The following SEM1 variants were observed in gnomAD, a reference collection of about 807,000 sequenced individuals.
SEM1 encodes 26S proteasome complex subunit SEM1.
Under a neutral mutation model 12.7 loss-of-function variants are expected in SEM1, and 3 were observed. The observed-to-expected ratio is 0.24, with a 90% CI of 0.11 to 0.61. The LOEUF (loss-of-function observed/expected upper bound fraction) is 0.61, where lower values mean the gene tolerates loss of function less well. Ranked by LOEUF, SEM1 falls within the 20% of genes least tolerant of loss-of-function variation. The pLI, the probability that SEM1 is intolerant of heterozygous loss-of-function variation, is 0.88. For missense variants in SEM1, 59 were observed against 81.3 expected, an observed-to-expected ratio of 0.73 and a Z score of 1.06; for synonymous variants, 30 against 27.8, an observed-to-expected ratio of 1.08 and a Z score of -0.25.
At chr7:96,539,900 A>G (rs967377186) in intron 2 of SEM1, among the ~76,000 whole-genome samples, 6 of 151,454 alleles carry the variant, frequency 4.0e-5, no homozygotes, top group African/African-American at 1.2e-4. Flanking sequence ...CTGGTGCAAA[A>G]GTATTTATGG....
intron 2 of SEM1, among the ~76,000 whole-genome samples, chr7:96,614,641 A>C (rs1807647650): frequency 6.6e-6 from 1 of 152,200 alleles, no homozygotes; most frequent in African/African-American, 2.4e-5. Context: ...TCCTGGTGTA[A>C]CATAATGAGT....
intron 2 of SEM1, among the ~76,000 whole-genome samples, chr7:96,680,339 G>C (rs906295619): frequency 2.6e-5 from 4 of 152,122 alleles, no homozygotes; most frequent in Admixed American, 6.6e-5. Context: ...AAGACAAGGG[G>C]ATATAAACAT....
chr7:96,484,440 A>G (rs1310127913), intron 3 of SEM1, among the ~76,000 whole-genome samples: 1 of 152,200 alleles, frequency 6.6e-6, no homozygotes, highest in Non-Finnish European at 1.5e-5. Flanking sequence ...CAGAGAAGAG[A>G]GCCAGAAACC....
chr7:96,503,926 A>G (rs111637494), intron 3 of SEM1, among the ~76,000 whole-genome samples: 5,072 of 152,198 alleles, frequency 0.033, 282 homozygotes, highest in African/African-American at 0.12. Flanking sequence ...TCCAGTTCAC[A>G]GAGATCCTGC....
At chr7:96,624,034 A>G (rs1466029630) in intron 2 of SEM1, among the ~76,000 whole-genome samples, 1 of 152,152 alleles carries the variant, frequency 6.6e-6, no homozygotes, top group East Asian at 1.9e-4. Flanking sequence ...CTCCTCATCT[A>G]AAGATTCTTA....
At chr7:96,625,999 T>G (rs970333051) in intron 2 of SEM1, among the ~76,000 whole-genome samples, 3 of 152,224 alleles carry the variant, frequency 2.0e-5, no homozygotes, top group Non-Finnish European at 4.4e-5. Context: ...CTCAAGCATT[T>G]ATCCTTTGTG....
chr7:96,691,536 C>T (rs764509318), intron 2 of SEM1, among the ~76,000 whole-genome samples: 5 of 152,182 alleles, frequency 3.3e-5, no homozygotes, highest in South Asian at 2.1e-4. Context: ...AGATGCCTCT[C>T]CACTGTTAAA....
intron 2 of SEM1, among the ~76,000 whole-genome samples, chr7:96,485,111 C>A (rs1802700156): frequency 6.6e-6 from 1 of 152,136 alleles, no homozygotes; most frequent in Non-Finnish European, 1.5e-5. Context: ...AAATGTTTTG[C>A]CAGTTTTGAA....
At chr7:96,563,970 A>G (rs1805768889) in intron 2 of SEM1, among the ~76,000 whole-genome samples, 2 of 152,074 alleles carry the variant, frequency 1.3e-5, no homozygotes, top group African/African-American at 2.4e-5. Context: ...AAGTTCTGGC[A>G]TACAGGTTTT....
upstream of SEM1, among the ~76,000 whole-genome samples, chr7:96,499,005 C>A (rs1223923649): frequency 6.6e-6 from 1 of 151,812 alleles, no homozygotes; most frequent in Non-Finnish European, 1.5e-5. Flanking sequence ...AGACACTATC[C>A]AACTGATAAA....
intron 2 of SEM1, among the ~76,000 whole-genome samples, chr7:96,545,271 A>G (rs186120542): frequency 6.6e-6 from 1 of 152,138 alleles, no homozygotes; most frequent in Admixed American, 6.6e-5. Context: ...ATTTTGTCCC[A>G]TGTATTCTAA....
intron 2 of SEM1, among the ~76,000 whole-genome samples, chr7:96,623,279 T>C (rs563292322): frequency 4.5e-4 from 69 of 152,208 alleles, no homozygotes; most frequent in African/African-American, 1.6e-3. Context: ...TTCTCAGGCT[T>C]TCTGATTCAG....
chr7:96,590,786 A>G (rs1806804857), intron 2 of SEM1, among the ~76,000 whole-genome samples: 2 of 152,170 alleles, frequency 1.3e-5, no homozygotes, highest in African/African-American at 4.8e-5. Context: ...TTCGCCATTG[A>G]GGAAGTGTGG....
At chr7:96,523,400 A>G (rs1344526681) in intron 2 of SEM1, among the ~76,000 whole-genome samples, 2 of 152,014 alleles carry the variant, frequency 1.3e-5, no homozygotes, top group Admixed American at 6.6e-5. Flanking sequence ...TTAGATTACT[A>G]TATAAATAGT....
intron 2 of SEM1, among the ~76,000 whole-genome samples, chr7:96,639,269 GA>G (rs1808519456): frequency 6.6e-6 from 1 of 151,690 alleles, no homozygotes; most frequent in Non-Finnish European, 1.5e-5. Context: ...CTATGCTTTC[GA>G]ACAATGAAAA....
intron 2 of SEM1, among the ~76,000 whole-genome samples, chr7:96,550,862 G>T (rs1805247932): frequency 2.0e-5 from 3 of 152,148 alleles, no homozygotes; most frequent in Admixed American, 2.0e-4. Context: ...GAAGAATCAG[G>T]ATGCAGGAAA....
At chr7:96,520,852 T>G (rs1179409236) in intron 2 of SEM1, among the ~76,000 whole-genome samples, 2 of 152,040 alleles carry the variant, frequency 1.3e-5, no homozygotes, top group Non-Finnish European at 2.9e-5. Context: ...TGGGTTCTTA[T>G]CGGAGAGAGT....
chr7:96,502,089 A>G (rs1168695990), intron 3 of SEM1, among the ~76,000 whole-genome samples: 1 of 152,128 alleles, frequency 6.6e-6, no homozygotes, highest in Non-Finnish European at 1.5e-5. Context: ...GAGTATTCCC[A>G]TGATGTACAT....
intron 2 of SEM1, among the ~76,000 whole-genome samples, chr7:96,690,570 T>G (rs1789899992): frequency 6.6e-6 from 1 of 152,006 alleles, no homozygotes; most frequent in Non-Finnish European, 1.5e-5. Context: ...ATAGAAAACC[T>G]CAGCACAACT....
Sources: allele counts gnomAD v4.1 joint callset (sites outside exome capture counted in the v4.1 genomes callset), GRCh38; gene constraint gnomAD v4.1.1; transcripts MANE v1.5; gene names NCBI Gene and HGNC (gene_info 2026-07-23, HGNC 2026-07-21).